The following NRXN1 variants were observed in gnomAD, a reference collection of about 807,000 sequenced individuals.
NRXN1 encodes neurexin-1.
A neutral mutation model predicts 150.9 loss-of-function variants in NRXN1; 39 were observed. The observed-to-expected ratio is 0.26, with a 90% CI of 0.20 to 0.34. NRXN1 has a LOEUF of 0.34. NRXN1 is among the 10% of genes least tolerant of loss of function. The pLI is 1.00. For missense variants in NRXN1, 1,815 were observed against 1,949.9 expected, an observed-to-expected ratio of 0.93 and a Z score of 1.30; for synonymous variants, 924 against 757.0, an observed-to-expected ratio of 1.22 and a Z score of -3.62.
At chr2:50,157,834 T>A (rs986423169) in intron 18 of NRXN1, among the ~76,000 whole-genome samples, 1 of 151,950 alleles carries the variant, frequency 6.6e-6, no homozygotes, top group African/African-American at 2.4e-5. Flanking sequence ...GTAAAGTGAA[T>A]GTGTTGCTTG....
intron 1 of NRXN1, among the ~76,000 whole-genome samples, chr2:51,030,853 T>C (rs1024470932): frequency 5.3e-5 from 8 of 152,056 alleles, no homozygotes; most frequent in Non-Finnish European, 1.0e-4. Context: ...CTTTGAACCC[T>C]TTCTCAAGCT....
In NRXN1 at chr2:49,918,618, T is replaced by C. The variant is rs1667702101; in HGVS notation, c.*3326A>G. On this transcript the variant is annotated 3_prime_UTR_variant, in exon 23 of 23. Transcript: ENST00000401669. ...TTTTAATATTGTTTGCAACTAATAC[T>C]GTATGAGTTTATGGTTTCTGGCATA... 1 of 152,146 alleles carries C rather than the reference T, an allele frequency of 6.6e-6. No homozygotes were observed. The highest frequency in any genetic ancestry group is 2.1e-4 in the South Asian group (1 of 4,836). 9.4% of individuals were successfully genotyped at this position (152,146 alleles called of 1,614,324 possible).
intron 5 of NRXN1, among the ~76,000 whole-genome samples, chr2:50,666,864 A>G (rs1688099049): frequency 1.1e-5 from 1 of 89,866 alleles, no homozygotes; most frequent in Non-Finnish European, 2.3e-5. Flanking sequence ...GATGATGATG[A>G]TGATGATGAT....
chr2:50,785,972 C>T (rs776299335), intron 5 of NRXN1, among the ~76,000 whole-genome samples: 23 of 151,916 alleles, frequency 1.5e-4, no homozygotes, highest in East Asian at 3.9e-4. Flanking sequence ...ATAACAGCCA[C>T]GCCCCCACCC....
At chr2:49,932,929 A>C (rs1455921236) in intron 22 of NRXN1, among the ~76,000 whole-genome samples, 1 of 152,190 alleles carries the variant, frequency 6.6e-6, no homozygotes, top group East Asian at 1.9e-4. Flanking sequence ...GCCAAAATTC[A>C]AACTCAGGTC....
At chr2:50,012,396 C>G (rs1330911880) in intron 21 of NRXN1, among the ~76,000 whole-genome samples, 2 of 151,978 alleles carry the variant, frequency 1.3e-5, no homozygotes, top group Non-Finnish European at 2.9e-5. Context: ...TTGTTTAAGA[C>G]AAGTAAGTTA....
At chr2:50,481,416 A>G (rs2090447032) in intron 15 of NRXN1, among the ~76,000 whole-genome samples, 1 of 152,242 alleles carries the variant, frequency 6.6e-6, no homozygotes, top group African/African-American at 2.4e-5. Flanking sequence ...AATTATAAAT[A>G]TTAGGTATTC....
chr2:50,686,336 G>A (rs1691227143), intron 5 of NRXN1, among the ~76,000 whole-genome samples: 1 of 152,056 alleles, frequency 6.6e-6, no homozygotes, highest in Admixed American at 6.6e-5. Flanking sequence ...AAAAACAGTT[G>A]ACGTTGCAAC....
chr2:50,973,173 T>C (rs561166226), intron 2 of NRXN1, among the ~76,000 whole-genome samples: 6 of 152,306 alleles, frequency 3.9e-5, no homozygotes, highest in South Asian at 4.1e-4. Context: ...CCAAATGCAT[T>C]GCAACTAGAG....
At chr2:50,231,322 T>C (rs980913479) in intron 18 of NRXN1, among the ~76,000 whole-genome samples, 1 of 152,126 alleles carries the variant, frequency 6.6e-6, no homozygotes, top group Non-Finnish European at 1.5e-5. Flanking sequence ...TATTTCTGAA[T>C]CAAATCTTAA....
chr2:50,172,706 G>A lies in NRXN1; in HGVS notation c.3546+64083C>T, dbSNP rs1281603231. Among the ~76,000 whole-genome samples the A allele has an allele frequency of 3.3e-5, 5 of 152,054 alleles. 1 individual carries two copies. Among genetic ancestry groups the A allele is most frequent in the South Asian group, 2.1e-4 (1 of 4,818 alleles). On this transcript the variant is annotated intron_variant, in intron 18 of 22. Coordinates refer to ENST00000401669, the MANE Select transcript of NRXN1 (RefSeq NM_001330078.2). ...CTCCTGGCCAGCCACAGAGGCTGAC[G>A]CCTGCAATCCCAGCACTTTATGGGG...
At chr2:50,757,901 G>C (rs558009766) in intron 5 of NRXN1, 2 of 151,760 alleles carry the variant, frequency 1.3e-5, no homozygotes, top group African/African-American at 2.4e-5. Context: ...CACCAGTCTT[G>C]AGGCTCTCTT....
chr2:50,185,389 C>G (rs2061000180), intron 18 of NRXN1, among the ~76,000 whole-genome samples: 1 of 152,008 alleles, frequency 6.6e-6, no homozygotes. Flanking sequence ...TGTATTGTAT[C>G]TCTTGAATGG....
chr2:51,009,163 T>C (rs1026705704), intron 2 of NRXN1: 30 of 151,856 alleles, frequency 2.0e-4, no homozygotes, highest in African/African-American at 7.2e-4. Context: ...AAGATCTGAG[T>C]TGGGACTTCA....
chr2:50,885,643 C>T (rs1215552861), intron 5 of NRXN1, among the ~76,000 whole-genome samples: 1 of 151,370 alleles, frequency 6.6e-6, no homozygotes, highest in Non-Finnish European at 1.5e-5. Flanking sequence ...TACATATTTA[C>T]TGAAGCCAGC....
intron 18 of NRXN1, among the ~76,000 whole-genome samples, chr2:50,230,254 G>C (rs1050202724): frequency 6.6e-6 from 1 of 151,936 alleles, no homozygotes; most frequent in South Asian, 2.1e-4. Context: ...GAAATCTTTT[G>C]AACAGGAATT....
chr2:50,224,643 A>C (rs2152862354), intron 18 of NRXN1, among the ~76,000 whole-genome samples: 1 of 151,260 alleles, frequency 6.6e-6, no homozygotes, highest in Admixed American at 6.6e-5. Context: ...AGCTAAGCCA[A>C]GTGTTAGAGG....
chr2:50,200,911 A>G (rs1296549301), intron 18 of NRXN1, among the ~76,000 whole-genome samples: 1 of 152,062 alleles, frequency 6.6e-6, no homozygotes, highest in Non-Finnish European at 1.5e-5. Context: ...ATCAGTCAAT[A>G]CTAAATAAGA....
chr2:50,132,923 A>G (rs945834770), intron 18 of NRXN1, among the ~76,000 whole-genome samples: 7 of 149,900 alleles, frequency 4.7e-5, no homozygotes, highest in African/African-American at 1.7e-4. Flanking sequence ...TAATTAAGTC[A>G]TAAGAGACAT....
Sources: gnomAD v4.1 joint callset for allele counts (sites outside exome capture counted in the v4.1 genomes callset) on GRCh38, gnomAD v4.1.1 for gene constraint, MANE v1.5 for transcripts, NCBI Gene and HGNC (gene_info 2026-07-23, HGNC 2026-07-21) for gene names.